The following TMCO1 variants were observed in gnomAD, a reference collection of about 807,000 sequenced individuals.
The protein encoded by TMCO1 is transmembrane and coiled-coil domains 1, also known as calcium load-activated calcium channel.
In TMCO1, 29 loss-of-function variants were observed where a neutral mutation model predicts 29.3. The observed-to-expected ratio is 0.99, with a 90% CI of 0.74 to 1.35. TMCO1 has a LOEUF of 1.35. Ranked by LOEUF, TMCO1 falls within the 40% of genes most tolerant of loss-of-function variation. TMCO1 has a pLI of 0.00. For missense variants in TMCO1, 173 were observed against 225.5 expected, an observed-to-expected ratio of 0.77 and a Z score of 1.49; for synonymous variants, 80 against 77.1, an observed-to-expected ratio of 1.04 and a Z score of -0.20.
At chr1:165,762,899 G>A (rs1216523807) in intron 2 of TMCO1, among the ~76,000 whole-genome samples, 2 of 152,082 alleles carry the variant, frequency 1.3e-5, no homozygotes, top group African/African-American at 4.8e-5. Context: ...ATTTATTGAA[G>A]TATCCTTTCA....
At chr1:165,743,383 T>C in intron 5 of TMCO1, 72 bp from the exon 6 acceptor site, 1 of 1,507,210 alleles carries the variant, frequency 6.6e-7, no homozygotes, top group South Asian at 1.2e-5. Flanking sequence ...CAAAGAAGAA[T>C]CTGGGACAGA....
intron 6 of TMCO1, among the ~76,000 whole-genome samples, chr1:165,739,832 C>T (rs998974482): frequency 5.3e-5 from 8 of 151,926 alleles, no homozygotes; most frequent in African/African-American, 1.4e-4. Flanking sequence ...AGAATGGGGC[C>T]GGGCACAGTG....
intron 2 of TMCO1, 57 bp downstream of exon 2, chr1:165,768,135 C>A: frequency 7.3e-7 from 1 of 1,371,088 alleles, no homozygotes; most frequent in South Asian, 1.2e-5. Flanking sequence ...TTATTGTGAA[C>A]ATGGACTTAA....
At chr1:165,732,586 G>A (rs1025466735) in intron 6 of TMCO1, among the ~76,000 whole-genome samples, 5 of 151,398 alleles carry the variant, frequency 3.3e-5, no homozygotes, top group East Asian at 3.9e-4. Context: ...GCAAAGAATG[G>A]ACCCTAACAT....
At chr1:165,751,253 C>T (rs940055923) in intron 5 of TMCO1, among the ~76,000 whole-genome samples, 3 of 152,068 alleles carry the variant, frequency 2.0e-5, no homozygotes, top group African/African-American at 7.2e-5. Context: ...TTATGACTAC[C>T]TTCATTTTGA....
At chr1:165,761,242 G>A (rs926167612) in intron 2 of TMCO1, among the ~76,000 whole-genome samples, 5 of 152,174 alleles carry the variant, frequency 3.3e-5, no homozygotes, top group Non-Finnish European at 5.9e-5. Flanking sequence ...TAAATAGAAA[G>A]GTAAGATACA....
intron 6 of TMCO1, among the ~76,000 whole-genome samples, chr1:165,736,475 T>C (rs2101792437): frequency 6.6e-6 from 1 of 152,248 alleles, no homozygotes; most frequent in East Asian, 1.9e-4. Flanking sequence ...CCCAACACTT[T>C]GGGAGGCCGA....
Position 165,727,645 on chromosome 1 carries a change from CTA to C in TMCO1, c.*376_*377del, listed in dbSNP as rs1473882108. The C allele has an allele frequency of 4.4e-6, 2 of 452,908 alleles. No homozygotes were observed. The highest frequency in any genetic ancestry group is 8.8e-6 in the Non-Finnish European group (2 of 226,534). The allele number at this position is 452,908 out of a possible 1,614,324, so 28.1% of individuals were successfully genotyped here. A position where few individuals can be genotyped will look rare whatever the true frequency, so the allele number is the denominator to read the frequency against. On this transcript the variant is annotated 3_prime_UTR_variant, in exon 7 of 7. Transcript: ENST00000367881. ...CAAACAGTTACAAGGGTTAAACAAA[CTA>C]AATTTTTCTTCTAAATCTCTAAATG... is the stretch of plus-strand genomic sequence containing the variant.
chr1:165,743,677 G>A (rs977044240), intron 5 of TMCO1, among the ~76,000 whole-genome samples: 9 of 151,828 alleles, frequency 5.9e-5, no homozygotes, highest in Admixed American at 2.0e-4. Context: ...TTTTTGAGAC[G>A]GAGTCTTGCC....
chr1:165,726,275 T>C (rs1206258135), downstream of TMCO1: 7 of 696,508 alleles, frequency 1.0e-5, no homozygotes, highest in Middle Eastern at 3.7e-4. Context: ...AGTCTCAGAA[T>C]AGGGACTTCT....
intron 6 of TMCO1, among the ~76,000 whole-genome samples, chr1:165,741,557 G>A (rs1393750578): frequency 6.6e-6 from 1 of 152,166 alleles, no homozygotes; most frequent in Non-Finnish European, 1.5e-5. Context: ...AAGCCAGAAT[G>A]GGCAAAGTGC....
At chr1:165,741,847 A>G (rs925895581) in intron 6 of TMCO1, among the ~76,000 whole-genome samples, 6 of 151,910 alleles carry the variant, frequency 3.9e-5, no homozygotes, top group Non-Finnish European at 1.5e-5. Flanking sequence ...TCTTGTTCCT[A>G]CTCTTGCCAT....
chr1:165,750,806 AC>A (rs1266163361), intron 5 of TMCO1, among the ~76,000 whole-genome samples: 1 of 152,134 alleles, frequency 6.6e-6, no homozygotes, highest in Non-Finnish European at 1.5e-5. Flanking sequence ...GTGGTGGCTC[AC>A]GCCTGTAATC....
intron 4 of TMCO1, among the ~76,000 whole-genome samples, chr1:165,752,506 C>T (rs113992757): frequency 0.034 from 5,174 of 151,834 alleles, 304 homozygotes; most frequent in African/African-American, 0.12. Context: ...CCCCCCGCCT[C>T]GGCCTCCCAA....
At chr1:165,730,442 A>T (rs1651109041) in intron 6 of TMCO1, among the ~76,000 whole-genome samples, 1 of 152,372 alleles carries the variant, frequency 6.6e-6, no homozygotes, top group East Asian at 1.9e-4. Context: ...TTAAGGACTC[A>T]TCTAAATTAT....
chr1:165,768,575 G>A (rs988823941), intron 1 of TMCO1, 107 bp downstream of exon 1: 4 of 1,590,562 alleles, frequency 2.5e-6, no homozygotes, highest in African/African-American at 1.3e-5. Context: ...GAGTAGATGA[G>A]CCTCTCAAGC....
In TMCO1 at chr1:165,727,297, AT is replaced by A. The variant is rs1490163556; in HGVS notation, c.*725del. On this transcript the variant is annotated 3_prime_UTR_variant, in exon 7 of 7. Coordinates refer to ENST00000367881, the MANE Select transcript of TMCO1 (RefSeq NM_019026.6). ...ATTTTTATTTATTTATTTATATTTA[AT>A]TTTTTTTCAGACATCAGTGTTACTT... is the stretch of plus-strand genomic sequence containing the variant. 1.6e-5 allele frequency: 7 copies of A among 447,306 alleles called. No individual in the cohort carries two copies. Among genetic ancestry groups the A allele is most frequent in the Non-Finnish European group, 2.7e-5 (6 of 224,716 alleles). 27.7% of individuals were successfully genotyped at this position (447,306 alleles called of 1,614,324 possible).
At chr1:165,742,760 T>C (rs1005315930) in intron 6 of TMCO1, among the ~76,000 whole-genome samples, 5 of 152,230 alleles carry the variant, frequency 3.3e-5, no homozygotes, top group African/African-American at 1.2e-4. Flanking sequence ...ACCTAAACTT[T>C]ATCTCAACTG....
At chr1:165,726,359 C>CAA, downstream of TMCO1, 1 of 657,788 alleles carries the variant, frequency 1.5e-6, no homozygotes, top group Non-Finnish European at 2.8e-6. Flanking sequence ...ATAAGGAGAA[C>CAA]AAAAAAAAAG....
Sources: gnomAD v4.1 joint callset for allele counts (sites outside exome capture counted in the v4.1 genomes callset) on GRCh38, gnomAD v4.1.1 for gene constraint, MANE v1.5 for transcripts, NCBI Gene and HGNC (gene_info 2026-07-23, HGNC 2026-07-21) for gene names.